The following SLAMF9 variants were observed in gnomAD, a reference collection of about 807,000 sequenced individuals.
SLAMF9 encodes CD2 family member 10.
A neutral mutation model predicts 30.4 loss-of-function variants in SLAMF9; 25 were observed. That is an observed-to-expected ratio of 0.82 (90% CI 0.60 to 1.15). The LOEUF is 1.15. Ranked by LOEUF, SLAMF9 falls within the 50% of genes most tolerant of loss-of-function variation. The pLI is 0.00. For missense variants in SLAMF9, 344 were observed against 346.1 expected, an observed-to-expected ratio of 0.99 and a Z score of 0.05; for synonymous variants, 129 against 127.2, an observed-to-expected ratio of 1.01 and a Z score of -0.09.
Position 159,953,670 on chromosome 1 carries a change from G to A in SLAMF9, c.47-17C>T. ...TTTGGCTGCCTATGCAGGAAGAAAA[G>A]AGAAGCAAACAACCCAGCTGCTGTC... On this transcript the variant is annotated splice_polypyrimidine_tract_variant and intron_variant, in intron 1 of 3. Transcript: ENST00000368093. The A allele has an allele frequency of 1.3e-6, 2 of 1,576,352 alleles. No individual in the cohort carries two copies.
At chr1:159,969,569 T>C in the SLAMF9 span, among the ~76,000 whole-genome samples, 1 of 152,316 alleles carries the variant, frequency 6.6e-6, no homozygotes, top group African/African-American at 2.4e-5. Flanking sequence ...GGATTGCAGA[T>C]GGGCAAAACA....
the SLAMF9 span, among the ~76,000 whole-genome samples, chr1:159,961,650 AAAG>A: frequency 6.6e-6 from 1 of 152,238 alleles, no homozygotes; most frequent in African/African-American, 2.4e-5. Context: ...ATTGTGAAAC[AAAG>A]GAGAAAAGAG....
At chr1:159,965,466 A>C in the SLAMF9 span, 1 of 152,048 alleles carries the variant, frequency 6.6e-6, no homozygotes, top group Admixed American at 6.5e-5. Flanking sequence ...AAGATTCAAC[A>C]CTCTGATGAC....
At chr1:159,978,956 G>C in the SLAMF9 span, 1 of 152,186 alleles carries the variant, frequency 6.6e-6, no homozygotes, top group Non-Finnish European at 1.5e-5. Flanking sequence ...ATTCAACTAT[G>C]TGAAAATAAA....
At chr1:159,957,555 C>T (rs1024199264), upstream of SLAMF9, among the ~76,000 whole-genome samples, 8 of 152,076 alleles carry the variant, frequency 5.3e-5, no homozygotes, top group South Asian at 1.2e-3. Context: ...ACCTGGGAGG[C>T]GGAGGTTGCA....
chr1:159,959,562 T>C, the SLAMF9 span, among the ~76,000 whole-genome samples: 1 of 152,160 alleles, frequency 6.6e-6, no homozygotes, highest in South Asian at 2.1e-4. Context: ...GGGAGCCCAT[T>C]ACCGGTTTTA....
At chr1:159,958,931 T>C (rs1651984289), upstream of SLAMF9, among the ~76,000 whole-genome samples, 1 of 152,220 alleles carries the variant, frequency 6.6e-6, no homozygotes, top group Non-Finnish European at 1.5e-5. Flanking sequence ...GGTTTAGAAA[T>C]GAGTACTTCC....
chr1:159,976,086 AGTGTGTGTGTGTGTGTGTGTGT>A, the SLAMF9 span, among the ~76,000 whole-genome samples: 1 of 148,278 alleles, frequency 6.7e-6, no homozygotes, highest in South Asian at 2.2e-4. Context: ...TATAGGTTGT[AGTGTGTGTGTGTGTGTGTGTGT>A]GTGTGTGTGT....
At chr1:159,962,156 CAA>C in the SLAMF9 span, among the ~76,000 whole-genome samples, 6 of 132,064 alleles carry the variant, frequency 4.5e-5, no homozygotes, top group Non-Finnish European at 4.9e-5. Flanking sequence ...GACTCCATCT[CAA>C]AAAAAAAAAA....
the SLAMF9 span, chr1:159,973,663 C>T: frequency 4.9e-5 from 37 of 755,520 alleles, no homozygotes; most frequent in African/African-American, 5.9e-4. Flanking sequence ...CTTGGGAAAC[C>T]TCGGGTCCCC....
At chr1:159,983,828 G>A in the SLAMF9 span, 1 of 152,430 alleles carries the variant, frequency 6.6e-6, no homozygotes, top group East Asian at 1.9e-4. Flanking sequence ...AAGGCAGGGA[G>A]AAGGTCTCCT....
chr1:159,963,999 G>T, the SLAMF9 span, among the ~76,000 whole-genome samples: 1 of 152,164 alleles, frequency 6.6e-6, no homozygotes, highest in African/African-American at 2.4e-5. Flanking sequence ...GGCAGAGGTT[G>T]CAGTGAGCAG....
the SLAMF9 span, among the ~76,000 whole-genome samples, chr1:159,964,341 G>A: frequency 2.0e-5 from 3 of 152,078 alleles, no homozygotes. Flanking sequence ...TTCATTCTTG[G>A]TCTGGCCTTT....
the SLAMF9 span, chr1:159,973,760 C>A: frequency 6.2e-7 from 1 of 1,601,104 alleles, no homozygotes; most frequent in Non-Finnish European, 8.6e-7. Context: ...CCCTGAGAGG[C>A]ACCTCCTGCC....
the SLAMF9 span, among the ~76,000 whole-genome samples, chr1:159,962,307 G>C: frequency 7.9e-5 from 12 of 151,738 alleles, no homozygotes; most frequent in Non-Finnish European, 1.3e-4. Flanking sequence ...CGGCTCACTG[G>C]GGGTATATAG....
the SLAMF9 span, among the ~76,000 whole-genome samples, chr1:159,981,356 A>G: frequency 2.0e-5 from 3 of 152,104 alleles, no homozygotes; most frequent in African/African-American, 7.2e-5. Flanking sequence ...ATATGAGGAA[A>G]TTAACTTCTG....
At chr1:159,968,841 A>T in the SLAMF9 span, among the ~76,000 whole-genome samples, 2 of 152,206 alleles carry the variant, frequency 1.3e-5, no homozygotes, top group Non-Finnish European at 2.9e-5. Context: ...ACCTGAGGTC[A>T]GGAGTTCGAA....
chr1:159,969,260 G>A, the SLAMF9 span, among the ~76,000 whole-genome samples: 2 of 140,292 alleles, frequency 1.4e-5, no homozygotes, highest in African/African-American at 2.6e-5. Flanking sequence ...ATAGCTGCCT[G>A]GGGGGGATGG....
the SLAMF9 span, among the ~76,000 whole-genome samples, chr1:159,960,488 C>G: frequency 7.4e-6 from 1 of 135,690 alleles, no homozygotes; most frequent in Non-Finnish European, 1.5e-5. Context: ...TCCTTTGAGA[C>G]GGAGTTTCGA....
Sources: allele counts gnomAD v4.1 joint callset (sites outside exome capture counted in the v4.1 genomes callset), GRCh38; gene constraint gnomAD v4.1.1; transcripts MANE v1.5; gene names NCBI Gene and HGNC (gene_info 2026-07-23, HGNC 2026-07-21).